DUOX2: variants seen among roughly 807,000 people sequenced by gnomAD.
DUOX2 encodes the protein NADH/NADPH thyroid oxidase p138-tox.
Under a neutral mutation model 183.3 loss-of-function variants are expected in DUOX2, and 185 were observed. The observed-to-expected ratio is 1.01, with a 90% confidence interval of 0.90 to 1.14. DUOX2 has a LOEUF of 1.14. DUOX2 is among the 50% of genes most tolerant of loss of function. DUOX2 has a pLI of 0.00. For synonymous variants in DUOX2, 788 were observed against 812.4 expected, an observed-to-expected ratio of 0.97 and a Z score of 0.51; for missense variants, 1,999 against 2,022.9, an observed-to-expected ratio of 0.99 and a Z score of 0.23.
At position 45,094,123 on chromosome 15, in the gene DUOX2, T is replaced by C. The variant is rs1697226617; in HGVS notation, c.*27A>G. Reference sequence around the variant, plus strand: ...GTGCACAGAAGAGAAGGCAGGATACTGGAAGCAGCAGCCAGGGAGGACAGG... The same window carrying C: ...GTGCACAGAAGAGAAGGCAGGATACCGGAAGCAGCAGCCAGGGAGGACAGG... On this transcript the variant is annotated 3_prime_UTR_variant, in exon 34 of 34. Transcript: ENST00000389039. 1 of 1,613,982 alleles carries C rather than the reference T, an allele frequency of 6.2e-7. No homozygotes were observed. Among genetic ancestry groups the C allele is most frequent in the African/African-American group, 1.3e-5 (1 of 74,914 alleles).
Position 45,106,586 on chromosome 15 carries a change from C to T in DUOX2, c.1887G>A (p.Lys629=). The change falls in exon 16 of 34, where the codon AAG becomes AAA. Residue 629 remains lysine (K), a synonymous_variant. Coordinates refer to ENST00000389039, the MANE Select transcript of DUOX2 (RefSeq NM_001363711.2). ...CGCTCTCTTTGAGTTTCTTTTGTAG[C>T]TTCTTGTGTTCTCGGCCCCGGAAAT... ...VAYFRGREHK[K]LQKKLKESVK... is the part of the protein sequence containing the mutation. 3 of 1,614,172 alleles carry T rather than the reference C, an allele frequency of 1.9e-6. No individual in the cohort carries two copies. The highest frequency in any genetic ancestry group is 2.5e-6 in the Non-Finnish European group (3 of 1,180,026).
At position 45,104,037 on chromosome 15, in the gene DUOX2, C is replaced by G; in HGVS notation, c.2577G>C (p.Lys859Asn). Reference sequence around the variant, plus strand: ...CATACATGGTAAACATTAGACGGGACTTATCCTCTGGGGAGCCTGGGAAGA... The same window carrying G: ...CATACATGGTAAACATTAGACGGGAGTTATCCTCTGGGGAGCCTGGGAAGA... The part of the protein sequence containing the change: ...VVFMKGSPED[K>N]SRLMFTMYDL... Residue 859 changes from lysine to asparagine, a missense_variant, in exon 20 of 34, where the codon AAG (lysine) becomes AAC (asparagine). Coordinates refer to ENST00000389039, the MANE Select transcript of DUOX2 (RefSeq NM_001363711.2). The G allele has an allele frequency of 6.2e-7, 1 of 1,614,142 alleles. No homozygotes were observed. The highest frequency in any genetic ancestry group is 8.5e-7 in the Non-Finnish European group (1 of 1,180,016).
intron 27 of DUOX2, 34 bp from the exon 28 acceptor site, chr15:45,097,775 T>C (rs773097018): frequency 6.2e-7 from 1 of 1,613,962 alleles, no homozygotes; most frequent in African/African-American, 1.3e-5. Context: ...GTGAGTAGTC[T>C]CAGGACTTCA....
rs1397807319 is a variant in DUOX2, at chr15:45,095,823, G to C, written c.4080+5C>G. ...CCCGGAAGCAGGGTTCCCAGTGACG[G>C]GCACCTTTGGGTATCCAGCACAGCC... On this transcript the variant is annotated splice_donor_5th_base_variant and intron_variant, in intron 30 of 33. Coordinates refer to ENST00000389039, the MANE Select transcript of DUOX2 (RefSeq NM_001363711.2). 3.1e-6 allele frequency: 5 copies of C among 1,612,690 alleles called. No homozygotes were observed. In the African/African-American group the frequency reaches 6.7e-5, roughly 22 times the overall value.
Position 45,108,961 on chromosome 15 carries a change from G to A in DUOX2, c.1235-9C>T, listed in dbSNP as rs1566977020. On this transcript the variant is annotated splice_polypyrimidine_tract_variant and intron_variant, in intron 11 of 33. Coordinates refer to ENST00000389039, the MANE Select transcript of DUOX2 (RefSeq NM_001363711.2). ...AGGGCCAGGCCAGTAATCTGAAGAG[G>A]AGAGAAGACTAGACTATGGGCTTTG... 6.2e-7 allele frequency: 1 copy of A among 1,614,146 alleles called. No homozygotes were observed. The highest frequency in any genetic ancestry group is 8.5e-7 in the Non-Finnish European group (1 of 1,180,042).
intron 4 of DUOX2, 74 bp from the exon 5 acceptor site, chr15:45,112,029 G>T (rs1195667282): frequency 2.6e-6 from 4 of 1,560,934 alleles, no homozygotes; most frequent in Non-Finnish European, 3.5e-6. Flanking sequence ...CGGCCTCCAA[G>T]TGTCCTCAGG....
At position 45,097,881 on chromosome 15, in the gene DUOX2, T is replaced by C. The variant is rs986251840; in HGVS notation, c.3565+128A>G. 93 of 1,550,488 alleles carry C rather than the reference T, an allele frequency of 6.0e-5. 1 individual carries two copies. The highest frequency in any genetic ancestry group is 6.9e-5 in the Non-Finnish European group (78 of 1,123,226). Reference sequence around the variant, plus strand: ...CCAGAAAAGCCTGCCTGGAGGGATTTGAGCTGGGGCTTGTCCTGAAGGCTA... The same window carrying C: ...CCAGAAAAGCCTGCCTGGAGGGATTCGAGCTGGGGCTTGTCCTGAAGGCTA... On this transcript the variant is annotated intron_variant, in intron 27 of 33. Coordinates refer to ENST00000389039, the MANE Select transcript of DUOX2 (RefSeq NM_001363711.2).
In DUOX2 at chr15:45,112,675, A is replaced by G. The variant is rs185014205; in HGVS notation, c.204T>C (p.Gly68=). The change falls in exon 4 of 34, where the codon GGT becomes GGC. Residue 68 remains glycine (G), a synonymous_variant. Transcript: ENST00000389039. The part of the protein sequence containing the change: ...QRRVPANYAD[G]VYQALEEPQL... The stretch of plus-strand genomic sequence containing the variant: ...GCGGCTCCTCCAGAGCCTGATACAC[A>G]CCGTCGGCGTAATTGGCTGGTACGC... 6.2e-7 allele frequency: 1 copy of G among 1,612,650 alleles called. No individual in the cohort carries two copies. Among genetic ancestry groups the G allele is most frequent in the Admixed American group, 1.7e-5 (1 of 60,020 alleles).
chr15:45,106,371 C>A, intron 16 of DUOX2, 44 bp from the exon 17 acceptor site: 1 of 1,610,002 alleles, frequency 6.2e-7, no homozygotes, highest in Non-Finnish European at 8.5e-7. Flanking sequence ...CAGATGTCCC[C>A]AGGTCCCCGC....
At chr15:45,109,017 T>C in intron 11 of DUOX2, 65 bp from the exon 12 acceptor site, 1 of 1,591,190 alleles carries the variant, frequency 6.3e-7, no homozygotes, top group Non-Finnish European at 8.6e-7. Flanking sequence ...CCTGCAGCCT[T>C]GTATCTGACT....
intron 20 of DUOX2, among the ~76,000 whole-genome samples, chr15:45,102,195 C>T (rs376134379): frequency 7.9e-4 from 121 of 152,302 alleles, no homozygotes; most frequent in African/African-American, 2.9e-3. Flanking sequence ...TTGAAAGTGA[C>T]CTTGACCAAT....
At chr15:45,105,905 G>A in intron 17 of DUOX2, 77 bp from the exon 18 acceptor site, 1 of 1,575,938 alleles carries the variant, frequency 6.3e-7, no homozygotes, top group Non-Finnish European at 8.7e-7. Flanking sequence ...ATGGATCTTG[G>A]GTTGAGGGGA....
At chr15:45,094,305 C>T in intron 33 of DUOX2, 33 bp from the exon 34 acceptor site, 1 of 1,613,904 alleles carries the variant, frequency 6.2e-7, no homozygotes, top group Non-Finnish European at 8.5e-7. Flanking sequence ...GAGGGGCCTG[C>T]AGCCTAAAGG....
rs1274866226 is a variant in DUOX2, at chr15:45,094,687, A to T, written c.4400T>A (p.Ile1467Asn). 3 of 1,614,034 alleles carry T rather than the reference A, an allele frequency of 1.9e-6. No homozygotes were observed. The South Asian group carries it at 3.3e-5, about 18-fold the overall frequency. Residue 1467 changes from isoleucine to asparagine, a missense_variant, in exon 33 of 34, where the codon ATC (isoleucine) becomes AAC (asparagine). Physicochemically the swap from Ile to Asn is moderately radical, Grantham distance 149. Coordinates refer to ENST00000389039, the MANE Select transcript of DUOX2 (RefSeq NM_001363711.2). ...CACTTTCTGGAAGTGCCGCTCGCAGATGTACTGGGGGCACAGGGGCAGGTC... is the reference window on the plus strand; with the variant it reads ...CACTTTCTGGAAGTGCCGCTCGCAGTTGTACTGGGGGCACAGGGGCAGGTC... ...KFDLRTTMLY[I>N]CERHFQKVLN...
Position 45,097,372 on chromosome 15 carries a change from T to C in DUOX2, c.3713A>G (p.Tyr1238Cys). The C allele has an allele frequency of 1.9e-6, 3 of 1,614,242 alleles. No individual in the cohort carries two copies. The highest frequency in any genetic ancestry group is 2.5e-6 in the Non-Finnish European group (3 of 1,180,044). ...LYALLIIHGS[Y>C]ALIQLPTFHI... ...GAAAGTGGGCAGCTGGATCAGAGCA[T>C]AGCTGCCATGGATGATGAGCTGGAG... Residue 1238 changes from tyrosine to cysteine, a missense_variant, in exon 29 of 34, where the codon TAT (tyrosine) becomes TGT (cysteine). By Grantham distance (194) the Tyr-to-Cys change is radical. Around this residue, in one of 3 missense-constraint regions of DUOX2, gnomAD observed 1,628 missense variants for 1,608.6 expected, o/e 1.01. Coordinates refer to ENST00000389039, the MANE Select transcript of DUOX2 (RefSeq NM_001363711.2).
Position 45,107,336 on chromosome 15 carries a change from G to A in DUOX2, c.1693+9C>T, listed in dbSNP as rs777486850. 19 of 1,613,768 alleles carry A rather than the reference G, an allele frequency of 1.2e-5. No individual in the cohort carries two copies. The highest frequency in any genetic ancestry group is 1.6e-4 in the Middle Eastern group (1 of 6,084). ...CTGTCACTCACTTGTGTTCTCCCAC[G>A]GCACTCACCTTTATGCCAGACAAAG... On this transcript the variant is annotated intron_variant, in intron 14 of 33. Coordinates refer to ENST00000389039, the MANE Select transcript of DUOX2 (RefSeq NM_001363711.2).
rs369282728 is a variant in DUOX2, at chr15:45,109,648, A to C, written c.1132-22T>G. The C allele has an allele frequency of 2.5e-6, 4 of 1,611,284 alleles. No homozygotes were observed. In the African/African-American group the frequency reaches 5.3e-5, roughly 22 times the overall value. On this transcript the variant is annotated intron_variant, in intron 10 of 33. Coordinates refer to ENST00000389039, the MANE Select transcript of DUOX2 (RefSeq NM_001363711.2). ...GGTTCTGGAAGTAAACAATGCACTC[A>C]AGATAGGCCTCTACCCAAAACTCGG...
chr15:45,099,516 C>T, intron 25 of DUOX2, 34 bp from the exon 26 acceptor site: 2 of 1,604,882 alleles, frequency 1.2e-6, no homozygotes, highest in African/African-American at 1.3e-5. Flanking sequence ...AGATGCCAAC[C>T]AGGACAGACT....
At chr15:45,101,695 A>T in intron 21 of DUOX2, 98 bp downstream of exon 21, 4 of 1,510,898 alleles carry the variant, frequency 2.6e-6, no homozygotes, top group Non-Finnish European at 2.8e-6. Flanking sequence ...GGTACCAAGG[A>T]CTCAGAAAAG....
Sources: gnomAD v4.1 joint callset for allele counts (sites outside exome capture counted in the v4.1 genomes callset) on GRCh38, gnomAD v4.1.1 for gene constraint, gnomAD v4.1.1 regional missense constraint, MANE v1.5 for transcripts, NCBI Gene and HGNC (gene_info 2026-07-23, HGNC 2026-07-21) for gene names.